The following ZNF469 variants were observed in gnomAD, a reference collection of about 807,000 sequenced individuals.
ZNF469 encodes zinc finger protein 469.
Under a neutral mutation model 1.0 loss-of-function variants are expected in ZNF469, and 1 was observed. That is an observed-to-expected ratio of 1.00 (90% CI 0.35 to 4.73). The LOEUF is 4.73. Among genes scored for constraint, ZNF469 ranks in the 30% most tolerant of loss-of-function variants. The pLI, the probability that ZNF469 is intolerant of heterozygous loss-of-function variation, is 0.16. For missense variants in ZNF469, 6,100 were observed against 5,356.3 expected (o/e 1.14, Z -4.33); for synonymous variants, 2,703 against 2,363.4 (o/e 1.14, Z -4.17).
chr16:88,210,754 C>T, the ZNF469 span, among the ~76,000 whole-genome samples: 10 of 152,162 alleles, frequency 6.6e-5, no homozygotes, highest in Admixed American at 1.3e-4. Flanking sequence ...GGTCTATTTC[C>T]GGGTGTTCTT....
the ZNF469 span, among the ~76,000 whole-genome samples, chr16:88,349,719 T>TGA: frequency 7.8e-5 from 2 of 25,804 alleles, no homozygotes; most frequent in South Asian, 1.4e-3. Flanking sequence ...CAAGTACACA[T>TGA]CCAGCACAAT....
At chr16:88,120,337 A>G in the ZNF469 span, among the ~76,000 whole-genome samples, 2 of 152,370 alleles carry the variant, frequency 1.3e-5, no homozygotes, top group East Asian at 3.9e-4. Flanking sequence ...TGTGTGTTAC[A>G]GAAATGGCAG....
At chr16:88,312,808 A>C in the ZNF469 span, among the ~76,000 whole-genome samples, 1 of 152,228 alleles carries the variant, frequency 6.6e-6, no homozygotes, top group African/African-American at 2.4e-5. Context: ...GGGTCCACCC[A>C]TCTTCATACC....
chr16:88,117,722 C>G, the ZNF469 span, among the ~76,000 whole-genome samples: 1 of 152,162 alleles, frequency 6.6e-6, no homozygotes, highest in East Asian at 1.9e-4. Flanking sequence ...TGGGGAAGGG[C>G]TTGATGCTGC....
chr16:88,437,586 G>A lies in ZNF469; in HGVS notation c.10116G>A (p.Arg3372=), dbSNP rs1906684340. 1 of 1,538,108 alleles carries A rather than the reference G, an allele frequency of 6.5e-7. No individual in the cohort carries two copies. The highest frequency in any genetic ancestry group is 1.2e-5 in the South Asian group (1 of 83,678). The part of the protein sequence containing the change: ...QRVYLCPRCP[R]VYPEHGELLA... The stretch of plus-strand genomic sequence containing the variant: ...TCTACCTGTGCCCCCGGTGCCCCCG[G>A]GTCTACCCCGAGCACGGGGAGCTGC... Residue 3372 remains arginine (R), a synonymous_variant, in exon 3 of 3, where the codon CGG becomes CGA. Coordinates refer to ENST00000565624, the MANE Select transcript of ZNF469 (RefSeq NM_001367624.2).
the ZNF469 span, among the ~76,000 whole-genome samples, chr16:88,208,510 AGGT>A: frequency 4.2e-5 from 2 of 47,778 alleles, no homozygotes; most frequent in African/African-American, 9.5e-5. Flanking sequence ...GAGGGAGGAG[AGGT>A]GGGAGGGTGG....
At chr16:88,383,991 C>T (rs1490203663) in intron 1 of ZNF469, among the ~76,000 whole-genome samples, 1 of 152,224 alleles carries the variant, frequency 6.6e-6, no homozygotes, top group African/African-American at 2.4e-5. Flanking sequence ...CAGTCCTTGT[C>T]CCTGCACCCT....
At chr16:88,332,784 G>A in the ZNF469 span, among the ~76,000 whole-genome samples, 5 of 152,308 alleles carry the variant, frequency 3.3e-5, no homozygotes, top group South Asian at 6.2e-4. Context: ...CTCACAGCCT[G>A]CAAACCCTTC....
chr16:88,417,022 G>A (rs1452938241), intron 1 of ZNF469, among the ~76,000 whole-genome samples: 1 of 152,242 alleles, frequency 6.6e-6, no homozygotes. Context: ...TTCTCGCTGT[G>A]ACAGGGTGAG....
chr16:88,434,816 G>C lies in ZNF469; in HGVS notation c.7346G>C (p.Arg2449Pro). 2 of 1,550,324 alleles carry C rather than the reference G, an allele frequency of 1.3e-6. No individual in the cohort carries two copies. Among genetic ancestry groups the C allele is most frequent in the Non-Finnish European group, 1.7e-6 (2 of 1,146,968 alleles). ...CCCCAAGACCTCAAACAGAGGTCCC[G>C]TGGCTATAAAAAGAAGCCTGCATCT... ...LGPQDLKQRSRGYKKKPASTE... is the reference protein window; with the variant it reads ...LGPQDLKQRSPGYKKKPASTE... The change falls in exon 3 of 3, where the codon CGT (arginine) becomes CCT (proline). Residue 2449 changes from arginine to proline, a missense_variant. Transcript: ENST00000565624.
chr16:88,222,229 C>T, the ZNF469 span, among the ~76,000 whole-genome samples: 1 of 152,252 alleles, frequency 6.6e-6, no homozygotes, highest in African/African-American at 2.4e-5. Context: ...ACTGGCTACA[C>T]ACCCACTAAT....
chr16:88,408,013 G>C lies in ZNF469; in HGVS notation c.-191-16794G>C, dbSNP rs554796141. Among the ~76,000 whole-genome samples the C allele has an allele frequency of 9.2e-5, 14 of 152,374 alleles. No homozygotes were observed. The South Asian group carries it at 2.9e-3, about 32-fold the overall frequency. On this transcript the variant is annotated intron_variant, in intron 1 of 2. Coordinates refer to ENST00000565624, the MANE Select transcript of ZNF469 (RefSeq NM_001367624.2). ...GTCATGGAAGAGACAAGCTTACTGT[G>C]TGTTGTTCCCTTTTTGCCTTGCTGG...
At position 88,436,478 on chromosome 16, in the gene ZNF469, C is replaced by A. The variant is rs774968087; in HGVS notation, c.9008C>A (p.Pro3003Gln). The change falls in exon 3 of 3, where the codon CCG becomes CAG. Residue 3003 changes from proline to glutamine, a missense_variant. By Grantham distance (76) the Pro-to-Gln change is moderately conservative. Transcript: ENST00000565624. The part of the protein sequence containing the change: ...VPAAWRGLEM[P>Q]APADDSSSSL... ...GCGGCTTGGCGAGGCCTGGAGATGC[C>A]GGCCCCTGCCGATGACTCCTCCTCT... 5.8e-6 allele frequency: 9 copies of A among 1,546,676 alleles called. No homozygotes were observed. Among genetic ancestry groups the A allele is most frequent in the Non-Finnish European group, 7.8e-6 (9 of 1,146,964 alleles).
chr16:88,429,000 C>A lies in ZNF469; in HGVS notation c.1530C>A (p.Gly510=). The change falls in exon 3 of 3, where the codon GGC becomes GGA. Residue 510 remains glycine, a synonymous_variant. Transcript: ENST00000565624. ...GCCGGCTGCCTTTCCCCGCGGGGGG[C>A]CCCGAGTGGCAGGGGGGCAGCCAAG... ...MLSRLPFPAG[G]PEWQGGSQGA... The A allele has an allele frequency of 6.5e-7, 1 of 1,549,570 alleles. No individual in the cohort carries two copies. The highest frequency in any genetic ancestry group is 1.2e-5 in the South Asian group (1 of 84,030).
At chr16:88,137,576 A>T in the ZNF469 span, among the ~76,000 whole-genome samples, 1 of 152,204 alleles carries the variant, frequency 6.6e-6, no homozygotes. Flanking sequence ...GTATACAGCT[A>T]TACATGCATA....
the ZNF469 span, among the ~76,000 whole-genome samples, chr16:88,272,046 T>C: frequency 6.6e-6 from 1 of 151,582 alleles, no homozygotes; most frequent in Non-Finnish European, 1.5e-5. Flanking sequence ...ATGAATGAAC[T>C]GGGGATAAAT....
At chr16:88,418,239 A>T (rs540555823) in intron 1 of ZNF469, among the ~76,000 whole-genome samples, 1 of 152,168 alleles carries the variant, frequency 6.6e-6, no homozygotes, top group African/African-American at 2.4e-5. Flanking sequence ...CAGAGCCGGG[A>T]CCAACAGCAA....
At chr16:88,133,164 C>T in the ZNF469 span, among the ~76,000 whole-genome samples, 1 of 152,250 alleles carries the variant, frequency 6.6e-6, no homozygotes, top group Non-Finnish European at 1.5e-5. Context: ...GGCCACAGCA[C>T]CTCACTCGGG....
At chr16:88,408,008 A>G (rs1905063071) in intron 1 of ZNF469, among the ~76,000 whole-genome samples, 1 of 152,340 alleles carries the variant, frequency 6.6e-6, no homozygotes, top group South Asian at 2.1e-4. Flanking sequence ...AGACAAGCTT[A>G]CTGTGTGTTG....
Sources: allele counts gnomAD v4.1 joint callset (sites outside exome capture counted in the v4.1 genomes callset), GRCh38; gene constraint gnomAD v4.1.1; transcripts MANE v1.5; gene names NCBI Gene and HGNC (gene_info 2026-07-23, HGNC 2026-07-21).